Variants in DOCK2 observed in about 807,000 individuals in gnomAD.
The protein encoded by DOCK2 is dedicator of cytokinesis protein 2.
In DOCK2, 87 loss-of-function variants were observed where a neutral mutation model predicts 248.9. That is an observed-to-expected ratio of 0.35 (90% CI 0.29 to 0.42). The LOEUF (loss-of-function observed/expected upper bound fraction) is 0.42, where lower values mean the gene tolerates loss of function less well. DOCK2 is among the 10% of genes least tolerant of loss of function. The probability of loss-of-function intolerance (pLI) is 1.00; values close to 1 mark genes in which losing one functional copy is unlikely to be tolerated. For missense variants in DOCK2, 1,747 were observed against 2,300.2 expected (o/e 0.76, Z 4.92); for synonymous variants, 805 against 821.6 (o/e 0.98, Z 0.35).
chr5:169,711,822 A>G (rs1761601979), intron 15 of DOCK2, 113 bp from the exon 16 acceptor site: 12 of 1,077,608 alleles, frequency 1.1e-5, no homozygotes, highest in Non-Finnish European at 1.6e-5. Flanking sequence ...GTTGTAAATC[A>G]GCAGGCAGCT....
At chr5:170,001,607 A>G (rs1754834817) in intron 30 of DOCK2, among the ~76,000 whole-genome samples, 1 of 151,874 alleles carries the variant, frequency 6.6e-6, no homozygotes, top group South Asian at 2.1e-4. Context: ...CAAATCTCAT[A>G]TTTTTTTTAG....
chr5:169,947,023 A>T (rs543836389), intron 27 of DOCK2, among the ~76,000 whole-genome samples: 1 of 152,300 alleles, frequency 6.6e-6, no homozygotes, highest in East Asian at 1.9e-4. Flanking sequence ...CCCATGCTGG[A>T]GTGAGTTTAC....
At chr5:169,648,417 G>C (rs998563865) in intron 1 of DOCK2, among the ~76,000 whole-genome samples, 1 of 152,146 alleles carries the variant, frequency 6.6e-6, no homozygotes, top group Non-Finnish European at 1.5e-5. Flanking sequence ...CTTTCGTCTT[G>C]TCGGCTGGGC....
intron 25 of DOCK2, among the ~76,000 whole-genome samples, chr5:169,801,175 T>A (rs867780165): frequency 1.5e-5 from 2 of 133,124 alleles, no homozygotes; most frequent in South Asian, 4.8e-4. Flanking sequence ...TTTTTTTTTT[T>A]TTTTTTAGTA....
intron 27 of DOCK2, among the ~76,000 whole-genome samples, chr5:169,949,252 T>C (rs915121373): frequency 1.2e-4 from 19 of 152,312 alleles, no homozygotes; most frequent in Admixed American, 1.2e-3. Flanking sequence ...TAGGGATCCA[T>C]TGAAGATACA....
chr5:169,943,352 A>G (rs1022722726), intron 27 of DOCK2, among the ~76,000 whole-genome samples: 3 of 152,128 alleles, frequency 2.0e-5, no homozygotes, highest in African/African-American at 7.2e-5. Flanking sequence ...GGCCCTGTGG[A>G]CAGGCAATAC....
chr5:169,991,985 A>G (rs1330898185), intron 29 of DOCK2, among the ~76,000 whole-genome samples: 1 of 152,180 alleles, frequency 6.6e-6, no homozygotes. Context: ...TGCTTCCATC[A>G]TTGTCATTAT....
intron 43 of DOCK2, chr5:170,057,290 C>T (rs1369144437): frequency 4.0e-5 from 18 of 453,974 alleles, no homozygotes; most frequent in Admixed American, 1.1e-4. Context: ...AACCCTTCCC[C>T]GAGAAAACAA....
At chr5:169,891,856 G>C (rs1306729588) in intron 27 of DOCK2, among the ~76,000 whole-genome samples, 1 of 151,956 alleles carries the variant, frequency 6.6e-6, no homozygotes, top group African/African-American at 2.4e-5. Context: ...TTCTCTGAGT[G>C]TGGTGGCAGG....
At chr5:169,773,923 G>A (rs262864) in intron 25 of DOCK2, among the ~76,000 whole-genome samples, 30,991 of 152,064 alleles carry the variant, frequency 0.2, 3,651 homozygotes, top group Admixed American at 0.34. Flanking sequence ...CTTGCCTGCT[G>A]CCATGTAAGA....
At chr5:169,825,842 A>C (rs1768817637) in intron 26 of DOCK2, among the ~76,000 whole-genome samples, 1 of 146,886 alleles carries the variant, frequency 6.8e-6, no homozygotes, top group Non-Finnish European at 1.5e-5. Context: ...AAAAGAAAAA[A>C]ACAAAACAAA....
intron 26 of DOCK2, among the ~76,000 whole-genome samples, chr5:169,803,843 A>T (rs994571548): frequency 6.6e-6 from 1 of 152,142 alleles, no homozygotes; most frequent in Non-Finnish European, 1.5e-5. Context: ...GATAAGCCAG[A>T]TGGGGTGGTG....
chr5:169,938,770 T>C (rs1397479614), intron 27 of DOCK2, among the ~76,000 whole-genome samples: 1 of 152,228 alleles, frequency 6.6e-6, no homozygotes, highest in Non-Finnish European at 1.5e-5. Context: ...AGTGTAACTT[T>C]ACAAACTTTT....
chr5:169,669,569 C>A (rs1758925522), intron 3 of DOCK2, among the ~76,000 whole-genome samples: 1 of 152,088 alleles, frequency 6.6e-6, no homozygotes, highest in African/African-American at 2.4e-5. Flanking sequence ...TCCTGATATG[C>A]CACTCACTTA....
chr5:169,895,518 A>C (rs546044631), intron 27 of DOCK2, among the ~76,000 whole-genome samples: 15 of 152,070 alleles, frequency 9.9e-5, no homozygotes, highest in Non-Finnish European at 2.2e-4. Context: ...GCCAGCAGCC[A>C]GCATTCACGC....
intron 27 of DOCK2, among the ~76,000 whole-genome samples, chr5:169,896,586 C>T (rs1040927377): frequency 1.1e-4 from 16 of 152,158 alleles, no homozygotes; most frequent in Admixed American, 7.9e-4. Flanking sequence ...CAGAAAAGCG[C>T]CTGTCAGGCT....
chr5:169,826,841 G>A (rs1471593547), intron 26 of DOCK2, among the ~76,000 whole-genome samples: 3 of 152,080 alleles, frequency 2.0e-5, no homozygotes, highest in Admixed American at 1.3e-4. Context: ...TCCTAGATTG[G>A]GTGACGACTT....
Position 170,047,532 on chromosome 5 carries a change from A to C in DOCK2, c.3989A>C (p.Glu1330Ala). ...QNLIQQAKFY[E>A]SIMKILRPKP... ...TAGATCCAGCAGGCAAAATTCTATGAAAGCATCATGAAAATCCTCAGGCCC... is the reference window on the plus strand; with the variant it reads ...TAGATCCAGCAGGCAAAATTCTATGCAAGCATCATGAAAATCCTCAGGCCC... Residue 1330 changes from glutamate (E) to alanine (A), a missense_variant, in exon 40 of 52, where the codon GAA (glutamate) becomes GCA (alanine). This residue lies in a region of DOCK2 where 858 missense variants were observed against 1,183.5 expected (regional missense o/e 0.72). Transcript: ENST00000520908. 1 of 1,613,616 alleles carries C rather than the reference A, an allele frequency of 6.2e-7. No individual in the cohort carries two copies. Among genetic ancestry groups the C allele is most frequent in the Non-Finnish European group, 8.5e-7 (1 of 1,179,774 alleles).
At chr5:169,760,024 TA>T (rs764124187) in intron 24 of DOCK2, among the ~76,000 whole-genome samples, 9 of 152,196 alleles carry the variant, frequency 5.9e-5, no homozygotes, top group East Asian at 1.9e-4. Flanking sequence ...TCATATAGGT[TA>T]AAAAAAATTG....
Sources: allele counts gnomAD v4.1 joint callset (sites outside exome capture counted in the v4.1 genomes callset), GRCh38; gene constraint gnomAD v4.1.1; regional missense constraint gnomAD v4.1.1; transcripts MANE v1.5; gene names NCBI Gene and HGNC (gene_info 2026-07-23, HGNC 2026-07-21).